CSNK1G1: variants seen among roughly 807,000 people sequenced by gnomAD.
CSNK1G1 encodes the protein casein kinase I isoform gamma-1.
A neutral mutation model predicts 59.6 loss-of-function variants in CSNK1G1; 22 were observed. The ratio of observed to expected loss-of-function variants is 0.37; its 90% CI spans 0.26 to 0.53. CSNK1G1 has a LOEUF of 0.53. Ranked by LOEUF, CSNK1G1 falls within the 20% of genes least tolerant of loss-of-function variation. The probability of loss-of-function intolerance (pLI) is 0.89; values close to 1 mark genes in which losing one functional copy is unlikely to be tolerated. For synonymous variants in CSNK1G1, 179 were observed against 177.1 expected (o/e 1.01, Z -0.08); for missense variants, 384 against 519.5 (o/e 0.74, Z 2.54).
At chr15:64,296,460 T>C (rs1241300191) in intron 2 of CSNK1G1, among the ~76,000 whole-genome samples, 1 of 152,232 alleles carries the variant, frequency 6.6e-6, no homozygotes, top group Non-Finnish European at 1.5e-5. Context: ...GCAATTTGTT[T>C]TTCTCTGTCT....
intron 10 of CSNK1G1, among the ~76,000 whole-genome samples, chr15:64,197,673 A>C (rs1196400193): frequency 6.6e-6 from 1 of 152,172 alleles, no homozygotes; most frequent in Non-Finnish European, 1.5e-5. Flanking sequence ...CTGCCTGCTT[A>C]ATGATTTCCA....
chr15:64,308,896 C>T (rs1210212237), intron 1 of CSNK1G1, among the ~76,000 whole-genome samples: 2 of 144,276 alleles, frequency 1.4e-5, no homozygotes, highest in Admixed American at 1.4e-4. Flanking sequence ...GACTCTGTCT[C>T]AAAAAAAAAA....
At chr15:64,352,634 G>A (rs1371632453) in intron 1 of CSNK1G1, among the ~76,000 whole-genome samples, 1 of 150,116 alleles carries the variant, frequency 6.7e-6, no homozygotes, top group Non-Finnish European at 1.5e-5. Context: ...TAGTAGAGAT[G>A]GGGTTTCTCC....
chr15:64,341,734 C>T (rs1486154828), intron 1 of CSNK1G1, among the ~76,000 whole-genome samples: 1 of 152,134 alleles, frequency 6.6e-6, no homozygotes, highest in Non-Finnish European at 1.5e-5. Flanking sequence ...AGCCACCACA[C>T]TCAGCTTAAA....
Position 64,207,554 on chromosome 15 carries a change from C to CAT in CSNK1G1, c.718_719dup (p.Met240IlefsTer21). On this transcript the variant is annotated frameshift_variant, in exon 7 of 12. Coordinates refer to ENST00000303052, the MANE Select transcript of CSNK1G1 (RefSeq NM_022048.5). LOFTEE classifies it high-confidence loss of function. The stretch of plus-strand genomic sequence containing the variant: ...GGCTGCCTCGAAGGAAATACATGAA[C>CAT]ATATGGCCTAGGGCTTCCAAATCAT... 1 of 1,614,074 alleles carries CAT rather than the reference C, an allele frequency of 6.2e-7. No homozygotes were observed.
intron 11 of CSNK1G1, among the ~76,000 whole-genome samples, chr15:64,177,548 A>G (rs972627270): frequency 1.3e-5 from 2 of 152,198 alleles, no homozygotes; most frequent in Non-Finnish European, 2.9e-5. Flanking sequence ...TTTCTCCCCT[A>G]TGCTTTCTAC....
At chr15:64,244,509 C>T (rs1370598124) in intron 4 of CSNK1G1, among the ~76,000 whole-genome samples, 1 of 152,050 alleles carries the variant, frequency 6.6e-6, no homozygotes, top group Non-Finnish European at 1.5e-5. Flanking sequence ...AGACATTCTT[C>T]ACAGAAATAG....
At chr15:64,174,165 G>C (rs1031778155) in intron 11 of CSNK1G1, among the ~76,000 whole-genome samples, 7 of 152,094 alleles carry the variant, frequency 4.6e-5, no homozygotes, top group Admixed American at 2.6e-4. Flanking sequence ...TACTGTTTAG[G>C]TCCATTTCAA....
intron 10 of CSNK1G1, chr15:64,181,474 T>A: frequency 1.4e-6 from 2 of 1,470,786 alleles, no homozygotes; most frequent in Non-Finnish European, 1.8e-6. Context: ...ACAATTTGGA[T>A]ATCATATGCC....
intron 1 of CSNK1G1, among the ~76,000 whole-genome samples, chr15:64,323,278 A>C (rs1896660958): frequency 6.6e-6 from 1 of 152,208 alleles, no homozygotes; most frequent in East Asian, 1.9e-4. Context: ...CTGTGGTTTA[A>C]AATCTGCTAT....
chr15:64,354,320 C>G (rs1898510554), intron 1 of CSNK1G1, among the ~76,000 whole-genome samples: 1 of 151,982 alleles, frequency 6.6e-6, no homozygotes, highest in African/African-American at 2.4e-5. Context: ...AACAAACAAA[C>G]AAACAAAAAA....
intron 10 of CSNK1G1, among the ~76,000 whole-genome samples, chr15:64,185,580 G>A (rs889617778): frequency 2.6e-5 from 4 of 152,058 alleles, no homozygotes; most frequent in African/African-American, 9.7e-5. Context: ...GACACTTTAC[G>A]AGGCCAGGCA....
intron 10 of CSNK1G1, among the ~76,000 whole-genome samples, chr15:64,194,677 C>A (rs1460708237): frequency 6.6e-6 from 1 of 151,876 alleles, no homozygotes; most frequent in African/African-American, 2.4e-5. Context: ...CCACCATGCC[C>A]AGCTAATTTT....
chr15:64,209,590 C>A lies in CSNK1G1; in HGVS notation c.680-1996G>T, dbSNP rs79405605. On this transcript the variant is annotated intron_variant, in intron 6 of 11. Coordinates refer to ENST00000303052, the MANE Select transcript of CSNK1G1 (RefSeq NM_022048.5). ...ACAATCTTAAAAAGAATGAAAACAG[C>A]ATGACCATCAGAATCCTTTGTCTAC... Among the ~76,000 whole-genome samples, 1,259 of 152,120 alleles carry A rather than the reference C, an allele frequency of 8.3e-3. 17 individuals are homozygous for A. The highest frequency in any genetic ancestry group is 0.028 in the African/African-American group (1,181 of 41,488).
chr15:64,268,611 TTTTG>T (rs1433921902), intron 2 of CSNK1G1, among the ~76,000 whole-genome samples: 1 of 152,202 alleles, frequency 6.6e-6, no homozygotes, highest in Non-Finnish European at 1.5e-5. Flanking sequence ...AACTGGGGTG[TTTTG>T]TTTGTTTTTT....
intron 4 of CSNK1G1, among the ~76,000 whole-genome samples, chr15:64,227,158 A>G (rs1003946932): frequency 6.6e-6 from 1 of 152,266 alleles, no homozygotes; most frequent in African/African-American, 2.4e-5. Flanking sequence ...GCTGAAATAC[A>G]CACAATACAT....
At chr15:64,192,917 A>G (rs542122761) in intron 10 of CSNK1G1, among the ~76,000 whole-genome samples, 2 of 145,970 alleles carry the variant, frequency 1.4e-5, no homozygotes, top group South Asian at 2.2e-4. Context: ...TTAAAAAATT[A>G]TTTTTGATTA....
chr15:64,219,777 C>CTTTTTTT (rs750402203), intron 4 of CSNK1G1, among the ~76,000 whole-genome samples: 4 of 136,304 alleles, frequency 2.9e-5, no homozygotes, highest in African/African-American at 1.1e-4. Context: ...CTTTTCTTTT[C>CTTTTTTT]TTTTTTTTTT....
chr15:64,341,638 A>G (rs1897685864), intron 1 of CSNK1G1, among the ~76,000 whole-genome samples: 1 of 151,966 alleles, frequency 6.6e-6, no homozygotes, highest in South Asian at 2.1e-4. Context: ...ACACCCAGCT[A>G]ATTTTTTTTT....
Sources: allele counts gnomAD v4.1 joint callset (sites outside exome capture counted in the v4.1 genomes callset), GRCh38; gene constraint gnomAD v4.1.1; transcripts MANE v1.5; gene names NCBI Gene and HGNC (gene_info 2026-07-23, HGNC 2026-07-21).